The following RBFA variants were observed in gnomAD, a reference collection of about 807,000 sequenced individuals.
RBFA encodes putative ribosome-binding factor A, mitochondrial.
Under a neutral mutation model 27.9 loss-of-function variants are expected in RBFA, and 16 were observed. The observed-to-expected ratio is 0.57, with a 90% CI of 0.39 to 0.87. The LOEUF (loss-of-function observed/expected upper bound fraction) is 0.87. RBFA is among the 40% of genes least tolerant of loss of function. The probability of loss-of-function intolerance (pLI) is 0.00; values close to 1 mark genes in which losing one functional copy is unlikely to be tolerated. For synonymous variants in RBFA, 181 were observed against 181.0 expected, an observed-to-expected ratio of 1.00 and a Z score of 0.00; for missense variants, 456 against 432.1, an observed-to-expected ratio of 1.06 and a Z score of -0.49.
rs918474103 is a variant in RBFA at position 80,042,124 on chromosome 18, C to G, written c.492-11C>G. 3.1e-6 allele frequency: 5 copies of G among 1,600,970 alleles called. No homozygotes were observed. In the African/African-American group the frequency reaches 6.7e-5, roughly 22 times the overall value. On this transcript the variant is annotated splice_polypyrimidine_tract_variant and intron_variant, in intron 4 of 6. Transcript: ENST00000306735. ...GCACAGCTGTGAGGGTCTGTGCGTTCTGTCTCCTAGGCACCTTTTGATGTC... is the reference window on the plus strand; with the variant it reads ...GCACAGCTGTGAGGGTCTGTGCGTTGTGTCTCCTAGGCACCTTTTGATGTC...
intron 4 of RBFA, among the ~76,000 whole-genome samples, chr18:80,041,127 T>C (rs745792186): frequency 1.1e-4 from 16 of 152,216 alleles, no homozygotes; most frequent in Non-Finnish European, 2.2e-4. Context: ...CCACACACGA[T>C]GATGCCCAGG....
rs962217361 is a variant in RBFA at position 80,049,212 on chromosome 18, C to A, written c.*3057C>A. ...GAAGCTCACCCCCTTCTGAATGGGT[C>A]CACTCCTGGGGATTTCCGCGGCCTT... On this transcript the variant is annotated 3_prime_UTR_variant, in exon 7 of 7. Coordinates refer to ENST00000306735, the MANE Select transcript of RBFA (RefSeq NM_024805.3). 6.6e-6 allele frequency among the ~76,000 whole-genome samples: 1 copy of A among 151,348 alleles called. No individual in the cohort carries two copies.
Position 80,042,266 on chromosome 18 carries a change from T to C in RBFA, c.576+47T>C, listed in dbSNP as rs143233071. ...TTTAAAATTTAAAAATTTTTATTTT[T>C]TTAATTAGAGACAGAGTCTTGCTAT... On this transcript the variant is annotated intron_variant, in intron 5 of 6. Coordinates refer to ENST00000306735, the MANE Select transcript of RBFA (RefSeq NM_024805.3). 3.6e-5 allele frequency: 47 copies of C among 1,289,288 alleles called. No homozygotes were observed. In the African/African-American group the frequency reaches 6.2e-4, roughly 17 times the overall value. 79.9% of individuals were successfully genotyped at this position (1,289,288 alleles called of 1,614,324 possible). A position where few individuals can be genotyped will look rare whatever the true frequency, so the allele number is the denominator to read the frequency against.
At position 80,049,179 on chromosome 18, in the gene RBFA, G is replaced by A. The variant is rs1424963662; in HGVS notation, c.*3024G>A. Among the ~76,000 whole-genome samples the A allele has an allele frequency of 6.6e-6, 1 of 151,910 alleles. No homozygotes were observed. Among genetic ancestry groups the A allele is most frequent in the African/African-American group, 2.4e-5 (1 of 41,304 alleles). ...CGCGGCCTTCCCTGGGAGCGGGTTA[G>A]GGACACGGAAGCTCACCCCCTTCTG... On this transcript the variant is annotated 3_prime_UTR_variant, in exon 7 of 7. Transcript: ENST00000306735.
At chr18:80,037,591 T>G in intron 3 of RBFA, 85 bp downstream of exon 3, 1 of 1,315,336 alleles carries the variant, frequency 7.6e-7, no homozygotes, top group Non-Finnish European at 1.1e-6. Flanking sequence ...GCCTGACAAT[T>G]AAAAAAAGAC....
chr18:80,037,253 C>T, intron 2 of RBFA, 77 bp from the exon 3 acceptor site: 1 of 1,330,092 alleles, frequency 7.5e-7, no homozygotes. Flanking sequence ...CCAGCCCTCC[C>T]CCAGCCCCTG....
At chr18:80,044,867 G>A (rs1279549455) in intron 6 of RBFA, among the ~76,000 whole-genome samples, 2 of 152,358 alleles carry the variant, frequency 1.3e-5, no homozygotes, top group African/African-American at 4.8e-5. Context: ...TTGCCTGGGG[G>A]CCTTAGACAG....
Position 80,038,704 on chromosome 18 carries a change from T to C in RBFA, c.491+87T>C, listed in dbSNP as rs982091986. The stretch of plus-strand genomic sequence containing the variant: ...TTTCACTTGTAGGTGGACTTGAACT[T>C]TTCATTGAGTATTTTTGCTTTTAAA... On this transcript the variant is annotated intron_variant, in intron 4 of 6. Coordinates refer to ENST00000306735, the MANE Select transcript of RBFA (RefSeq NM_024805.3). The C allele has an allele frequency of 1.8e-5, 17 of 929,856 alleles. No individual in the cohort carries two copies. In the Admixed American group the frequency reaches 2.0e-4, roughly 11 times the overall value. 57.6% of individuals were successfully genotyped at this position (929,856 alleles called of 1,614,324 possible).
At position 80,046,499 on chromosome 18, in the gene RBFA, T is replaced by C. The variant is rs1255286799; in HGVS notation, c.*344T>C. The C allele has an allele frequency of 7.9e-6, 2 of 254,568 alleles. No individual in the cohort carries two copies. The highest frequency in any genetic ancestry group is 9.0e-5 in the South Asian group (2 of 22,278). The allele number at this position is 254,568 out of a possible 1,614,324, so 15.8% of individuals were successfully genotyped here. A position where few individuals can be genotyped will look rare whatever the true frequency, so the allele number is the denominator to read the frequency against. ...GGCCCGAGGGGTCAGGCCACAGCAG[T>C]GGCCGGGGTAAGAACTGAACCTGCA... On this transcript the variant is annotated 3_prime_UTR_variant, in exon 7 of 7. Coordinates refer to ENST00000306735, the MANE Select transcript of RBFA (RefSeq NM_024805.3).
At position 80,046,418 on chromosome 18, in the gene RBFA, GA is replaced by G; in HGVS notation, c.*264del. ...GAAAATGGTAAAATAGTGTCTCTGA[GA>G]TGCTGGCATGGCCACCTCCACCTGC... On this transcript the variant is annotated 3_prime_UTR_variant, in exon 7 of 7. Transcript: ENST00000306735. 1 of 443,398 alleles carries G rather than the reference GA, an allele frequency of 2.3e-6. No homozygotes were observed. The highest frequency in any genetic ancestry group is 4.7e-5 in the East Asian group (1 of 21,344). 27.5% of individuals were successfully genotyped at this position (443,398 alleles called of 1,614,324 possible).
intron 3 of RBFA, among the ~76,000 whole-genome samples, chr18:80,038,115 G>GC (rs2051992989): frequency 6.6e-6 from 1 of 152,220 alleles, no homozygotes; most frequent in Admixed American, 6.5e-5. Context: ...GGATGCATCT[G>GC]CATGTACCTC....
At chr18:80,034,724 C>G in intron 1 of RBFA, 71 bp downstream of exon 1, 1 of 1,572,558 alleles carries the variant, frequency 6.4e-7, no homozygotes. Flanking sequence ...TTGCGGTGTC[C>G]GCTCATCCGC....
rs368307192 is a variant in RBFA, at chr18:80,045,876, C to T, written c.753C>T (p.Tyr251=). 2 of 1,606,642 alleles carry T rather than the reference C, an allele frequency of 1.2e-6. No individual in the cohort carries two copies. Among genetic ancestry groups the T allele is most frequent in the Non-Finnish European group, 1.7e-6 (2 of 1,176,550 alleles). The part of the protein sequence containing the change: ...HEALNKQIME[Y]KRRKDKGLGG... ...CGCTCAACAAGCAGATTATGGAGTA[C>T]AAAAGGAGGAAAGATAAAGGGCTCG... The change falls in exon 7 of 7, where the codon TAC becomes TAT. Residue 251 remains tyrosine, a synonymous_variant. Coordinates refer to ENST00000306735, the MANE Select transcript of RBFA (RefSeq NM_024805.3).
At chr18:80,045,495 G>C (rs554295683) in intron 6 of RBFA, among the ~76,000 whole-genome samples, 14 of 152,256 alleles carry the variant, frequency 9.2e-5, no homozygotes, top group African/African-American at 3.4e-4. Flanking sequence ...ACAGTGCTGG[G>C]ATTACAGATG....
In RBFA at chr18:80,037,466, T is replaced by G; in HGVS notation, c.338T>G (p.Val113Gly). The G allele has an allele frequency of 1.2e-6, 2 of 1,613,850 alleles. No homozygotes were observed. Among genetic ancestry groups the G allele is most frequent in the South Asian group, 1.1e-5 (1 of 91,054 alleles). The stretch of plus-strand genomic sequence containing the variant: ...ACAGACCTGCTGTGTACCCCTGAAG[T>G]GAGTCAGGAGCTGTATGACCTTAAC... ...ALTDLLCTPE[V>G]SQELYDLNVE... Residue 113 changes from valine to glycine, a missense_variant, in exon 3 of 7, where the codon GTG (valine) becomes GGG (glycine). Transcript: ENST00000306735.
intron 4 of RBFA, 66 bp from the exon 5 acceptor site, chr18:80,042,069 C>A: frequency 8.2e-7 from 1 of 1,214,988 alleles, no homozygotes; most frequent in Non-Finnish European, 1.2e-6. Flanking sequence ...ATATGTTCAG[C>A]ACTGTCACGC....
intron 5 of RBFA, among the ~76,000 whole-genome samples, chr18:80,043,284 AG>A (rs1360587043): frequency 6.6e-6 from 1 of 152,252 alleles, no homozygotes; most frequent in Non-Finnish European, 1.5e-5. Context: ...TTGGATCCAC[AG>A]AAGAAAAAGA....
chr18:80,045,852 G>C lies in RBFA; in HGVS notation c.729G>C (p.Ala243=). The C allele has an allele frequency of 1.3e-6, 2 of 1,581,386 alleles. No individual in the cohort carries two copies. Among genetic ancestry groups the C allele is most frequent in the Non-Finnish European group, 8.6e-7 (1 of 1,163,784 alleles). Residue 243 remains alanine, a synonymous_variant, in exon 7 of 7, where the codon GCG becomes GCC. Coordinates refer to ENST00000306735, the MANE Select transcript of RBFA (RefSeq NM_024805.3). ...SSSLCGIDHE[A]LNKQIMEYKR... is the part of the protein sequence containing the mutation. ...GTCTGTGTGGGATCGATCATGAGGC[G>C]CTCAACAAGCAGATTATGGAGTACA... is the stretch of plus-strand genomic sequence containing the variant.
chr18:80,044,278 G>A lies in RBFA; in HGVS notation c.643G>A (p.Asp215Asn), dbSNP rs201066582. 2 of 1,613,884 alleles carry A rather than the reference G, an allele frequency of 1.2e-6. No homozygotes were observed. Among genetic ancestry groups the A allele is most frequent in the East Asian group, 4.5e-5 (2 of 44,880 alleles). The change falls in exon 6 of 7, where the codon GAT (aspartate) becomes AAT (asparagine). Residue 215 changes from aspartate (D) to asparagine (N), a missense_variant. Asp to Asn is a conservative substitution (Grantham distance 23). Coordinates refer to ENST00000306735, the MANE Select transcript of RBFA (RefSeq NM_024805.3). Reference protein sequence around the residue: ...RDERDNFVQNDFRDPDAPQPC... With the variant: ...RDERDNFVQNNFRDPDAPQPC... Reference sequence around the variant, plus strand: ...TGAAAGAGACAACTTTGTACAAAATGATTTCAGGTGACGCATGTGGACATA... The same window carrying A: ...TGAAAGAGACAACTTTGTACAAAATAATTTCAGGTGACGCATGTGGACATA...
Sources: gnomAD v4.1 joint callset for allele counts (sites outside exome capture counted in the v4.1 genomes callset) on GRCh38, gnomAD v4.1.1 for gene constraint, MANE v1.5 for transcripts, NCBI Gene and HGNC (gene_info 2026-07-23, HGNC 2026-07-21) for gene names.